FOXN3: variants seen among roughly 807,000 people sequenced by gnomAD.
FOXN3 encodes the protein forkhead box protein N3.
A neutral mutation model predicts 38.4 loss-of-function variants in FOXN3; 7 were observed. That is an observed-to-expected ratio of 0.18 (90% CI 0.10 to 0.34). FOXN3 has a LOEUF of 0.34. Among genes scored for constraint, FOXN3 ranks in the 10% least tolerant of loss-of-function variants. FOXN3 has a pLI of 1.00. For synonymous variants in FOXN3, 230 were observed against 242.2 expected (o/e 0.95, Z 0.47); for missense variants, 456 against 613.4 (o/e 0.74, Z 2.71).
chr14:89,414,194 G>A (rs1019098338), intron 1 of FOXN3, among the ~76,000 whole-genome samples: 9 of 152,078 alleles, frequency 5.9e-5, no homozygotes, highest in African/African-American at 2.2e-4. Context: ...GTGTGTGCCT[G>A]TAGTCCCAGC....
intron 1 of FOXN3, among the ~76,000 whole-genome samples, chr14:89,472,867 TCAAA>T (rs1433742627): frequency 6.6e-6 from 1 of 152,164 alleles, no homozygotes; most frequent in African/African-American, 2.4e-5. Flanking sequence ...AGCTGAGCTC[TCAAA>T]CAATTTCCAT....
intron 1 of FOXN3, among the ~76,000 whole-genome samples, chr14:89,602,994 A>G (rs1896183762): frequency 6.6e-6 from 1 of 152,226 alleles, no homozygotes; most frequent in African/African-American, 2.4e-5. Flanking sequence ...AATATGTGGC[A>G]GAGATGGACC....
At chr14:89,561,659 C>G (rs977639825) in intron 1 of FOXN3, among the ~76,000 whole-genome samples, 1 of 152,174 alleles carries the variant, frequency 6.6e-6, no homozygotes, top group Admixed American at 6.5e-5. Flanking sequence ...CTGGCTTTAC[C>G]TTTAGGTTGG....
intron 1 of FOXN3, among the ~76,000 whole-genome samples, chr14:89,513,261 CTCTT>C (rs890307153): frequency 1.3e-5 from 2 of 151,498 alleles, no homozygotes; most frequent in African/African-American, 4.8e-5. Flanking sequence ...CTTTTCTTCC[CTCTT>C]TCTTTTTTTT....
intron 1 of FOXN3, among the ~76,000 whole-genome samples, chr14:89,459,868 C>T (rs572695623): frequency 5.3e-4 from 80 of 152,260 alleles, no homozygotes; most frequent in Non-Finnish European, 8.7e-4. Flanking sequence ...GCCAGATGAA[C>T]AACTCAAAGA....
At chr14:89,495,892 T>C (rs1893670044) in intron 1 of FOXN3, among the ~76,000 whole-genome samples, 1 of 152,214 alleles carries the variant, frequency 6.6e-6, no homozygotes, top group South Asian at 2.1e-4. Flanking sequence ...TTAGGTCACC[T>C]GATCCGATGT....
chr14:89,306,163 G>GT (rs1360373161), intron 3 of FOXN3, among the ~76,000 whole-genome samples: 1 of 152,186 alleles, frequency 6.6e-6, no homozygotes, highest in African/African-American at 2.4e-5. Context: ...GTGGAGAAGA[G>GT]TTTTTCAGTC....
chr14:89,443,581 T>C (rs1892431082), intron 1 of FOXN3, among the ~76,000 whole-genome samples: 1 of 152,214 alleles, frequency 6.6e-6, no homozygotes, highest in Non-Finnish European at 1.5e-5. Flanking sequence ...TATTCTACCG[T>C]GTTCTTTACT....
intron 1 of FOXN3, among the ~76,000 whole-genome samples, chr14:89,598,511 C>G (rs1896101582): frequency 2.0e-5 from 3 of 152,156 alleles, no homozygotes; most frequent in African/African-American, 7.2e-5. Flanking sequence ...TCTCAAACTC[C>G]TGGGCTCAAG....
At chr14:89,232,455 AAGAAAAAAC>A (rs1884843504) in intron 4 of FOXN3, among the ~76,000 whole-genome samples, 1 of 152,222 alleles carries the variant, frequency 6.6e-6, no homozygotes, top group African/African-American at 2.4e-5. Context: ...AAACCAGGGC[AAGAAAAAAC>A]AGGACCCTTA....
intron 1 of FOXN3, among the ~76,000 whole-genome samples, chr14:89,458,035 A>G (rs1892764120): frequency 6.6e-6 from 1 of 150,806 alleles, no homozygotes; most frequent in African/African-American, 2.4e-5. Flanking sequence ...CATCTCAAAA[A>G]AAAAAAAAAA....
chr14:89,234,539 ACAC>A (rs953304228), intron 4 of FOXN3, among the ~76,000 whole-genome samples: 3 of 152,012 alleles, frequency 2.0e-5, no homozygotes, highest in Admixed American at 2.0e-4. Context: ...GAATGGTTGA[ACAC>A]CATCCCCTTG....
intron 3 of FOXN3, among the ~76,000 whole-genome samples, chr14:89,289,198 GAAAAGAA>G (rs1566947853): frequency 1.0e-3 from 6 of 5,992 alleles, no homozygotes; most frequent in African/African-American, 1.4e-3. Context: ...AAAAAAAAAA[GAAAAGAA>G]AAAGAAAAGA....
intron 4 of FOXN3, among the ~76,000 whole-genome samples, chr14:89,280,212 A>G (rs548395596): frequency 6.6e-6 from 1 of 152,280 alleles, no homozygotes; most frequent in Non-Finnish European, 1.5e-5. Flanking sequence ...GATAACCCCA[A>G]AGTAATTTCT....
At position 89,159,407 on chromosome 14, in the gene FOXN3, A is replaced by G. The variant is rs573183504; in HGVS notation, c.*3007T>C. On this transcript the variant is annotated 3_prime_UTR_variant, in exon 6 of 6. Coordinates refer to ENST00000557258, the MANE Select transcript of FOXN3 (RefSeq NM_005197.4). ...AGATCCAACGAAGGGAGACTCAGGA[A>G]AATCACACTTAGAAAGCTGCCCGAT... 2.6e-5 allele frequency: 4 copies of G among 152,664 alleles called. No homozygotes were observed. Among genetic ancestry groups the G allele is most frequent in the Non-Finnish European group, 4.4e-5 (3 of 68,048 alleles). 9.5% of individuals were successfully genotyped at this position (152,664 alleles called of 1,614,324 possible).
intron 4 of FOXN3, among the ~76,000 whole-genome samples, chr14:89,188,225 G>A (rs145377765): frequency 3.3e-4 from 51 of 152,300 alleles, no homozygotes; most frequent in African/African-American, 1.2e-3. Flanking sequence ...AAATAGGACC[G>A]TGGCTACCCT....
At chr14:89,508,600 AG>A (rs1312543686) in intron 1 of FOXN3, among the ~76,000 whole-genome samples, 1 of 152,220 alleles carries the variant, frequency 6.6e-6, no homozygotes, top group Non-Finnish European at 1.5e-5. Flanking sequence ...TGAAACTACA[AG>A]AAAACTGAGG....
chr14:89,207,942 C>T (rs1428558366), intron 4 of FOXN3, among the ~76,000 whole-genome samples: 2 of 151,430 alleles, frequency 1.3e-5, no homozygotes, highest in Non-Finnish European at 2.9e-5. Flanking sequence ...GCTTAAACAG[C>T]GTGAGAAGCA....
At chr14:89,183,789 G>A (rs149972322) in intron 4 of FOXN3, among the ~76,000 whole-genome samples, 118 of 152,278 alleles carry the variant, frequency 7.7e-4, no homozygotes, top group Non-Finnish European at 1.4e-3. Flanking sequence ...CCATTAAAGG[G>A]TTTTGAGCAG....
Sources: allele counts gnomAD v4.1 joint callset (sites outside exome capture counted in the v4.1 genomes callset), GRCh38; gene constraint gnomAD v4.1.1; transcripts MANE v1.5; gene names NCBI Gene and HGNC (gene_info 2026-07-23, HGNC 2026-07-21).